Variants in AGBL4 observed in about 807,000 individuals in gnomAD.
AGBL4 encodes cytosolic carboxypeptidase 6.
A neutral mutation model predicts 66.4 loss-of-function variants in AGBL4; 58 were observed. That is an observed-to-expected ratio of 0.87 (90% confidence interval 0.71 to 1.09). The LOEUF is 1.09. AGBL4 is among the 50% of genes least tolerant of loss of function. The pLI, the probability that AGBL4 is intolerant of heterozygous loss-of-function variation, is 0.00. For missense variants in AGBL4, 579 were observed against 631.0 expected (o/e 0.92, Z 0.88); for synonymous variants, 234 against 222.9 (o/e 1.05, Z -0.44).
chr1:48,673,162 C>T (rs780468225), intron 6 of AGBL4, among the ~76,000 whole-genome samples: 1 of 152,190 alleles, frequency 6.6e-6, no homozygotes, highest in Non-Finnish European at 1.5e-5. Context: ...CACCTGCACA[C>T]ATCTGCGTCT....
chr1:49,938,618 C>T (rs1654373809), intron 1 of AGBL4, among the ~76,000 whole-genome samples: 1 of 152,174 alleles, frequency 6.6e-6, no homozygotes. Flanking sequence ...CAAACCGAAT[C>T]CAACAGCACA....
At chr1:49,447,406 C>G (rs544956011) in intron 3 of AGBL4, among the ~76,000 whole-genome samples, 1 of 152,262 alleles carries the variant, frequency 6.6e-6, no homozygotes, top group South Asian at 2.1e-4. Context: ...TGCTGTGTTG[C>G]TGCAGCCCTC....
At position 48,661,069 on chromosome 1, in the gene AGBL4, T is replaced by C. The variant is rs1277871972; in HGVS notation, c.724+2083A>G. 3.3e-5 allele frequency among the ~76,000 whole-genome samples: 5 copies of C among 152,160 alleles called. No individual in the cohort carries two copies. The East Asian group carries it at 7.7e-4, about 24-fold the overall frequency. ...AACCCCATTTGACAGATGTGGAAAATGACAGTTGGAGACCAGCCCTAGACC... is the reference window on the plus strand; with the variant it reads ...AACCCCATTTGACAGATGTGGAAAACGACAGTTGGAGACCAGCCCTAGACC... On this transcript the variant is annotated intron_variant, in intron 7 of 13. Transcript: ENST00000371839.
chr1:49,204,772 G>A (rs1647997478), intron 4 of AGBL4, among the ~76,000 whole-genome samples: 1 of 151,996 alleles, frequency 6.6e-6, no homozygotes, highest in Non-Finnish European at 1.5e-5. Flanking sequence ...ATGATTCCAG[G>A]TCCCTTAACT....
intron 1 of AGBL4, among the ~76,000 whole-genome samples, chr1:49,985,188 G>A (rs34068729): frequency 0.088 from 13,381 of 151,984 alleles, 867 homozygotes; most frequent in East Asian, 0.31. Context: ...ACCCTTCCCC[G>A]CCTGCCCCAC....
intron 2 of AGBL4, among the ~76,000 whole-genome samples, chr1:49,827,426 T>C (rs1645540124): frequency 6.6e-6 from 1 of 152,188 alleles, no homozygotes. Context: ...AAAAGGGCTC[T>C]TCTGTTTTGA....
chr1:49,141,074 G>A (rs1339130719), intron 4 of AGBL4, among the ~76,000 whole-genome samples: 4 of 152,046 alleles, frequency 2.6e-5, no homozygotes, highest in Admixed American at 6.6e-5. Flanking sequence ...GGAATGAGCA[G>A]GAACATTAAT....
intron 3 of AGBL4, among the ~76,000 whole-genome samples, chr1:49,260,015 G>A (rs200683462): frequency 1.8e-4 from 27 of 151,890 alleles, no homozygotes; most frequent in South Asian, 6.2e-4. Context: ...ACTGAAAACC[G>A]CTCAACTACA....
chr1:49,564,943 A>T (rs188858128), intron 3 of AGBL4, among the ~76,000 whole-genome samples: 12,274 of 152,156 alleles, frequency 0.081, 693 homozygotes, highest in African/African-American at 0.17. Context: ...TGGGAGTCTA[A>T]GTCTCTTTGT....
chr1:49,107,544 C>T (rs545384925), intron 4 of AGBL4, among the ~76,000 whole-genome samples: 3 of 152,170 alleles, frequency 2.0e-5, no homozygotes, highest in East Asian at 3.9e-4. Flanking sequence ...ATGTTGTTTG[C>T]ATTGCTGTAA....
intron 6 of AGBL4, among the ~76,000 whole-genome samples, chr1:48,821,786 C>A (rs574692699): frequency 6.6e-6 from 1 of 152,046 alleles, no homozygotes; most frequent in East Asian, 1.9e-4. Context: ...AAAAGGCAAG[C>A]AACAACAGGG....
At chr1:50,001,011 A>G (rs2148419119) in intron 1 of AGBL4, among the ~76,000 whole-genome samples, 1 of 152,104 alleles carries the variant, frequency 6.6e-6, no homozygotes, top group Non-Finnish European at 1.5e-5. Context: ...CGACTAAAAA[A>G]AATAAAAATA....
At chr1:49,695,155 T>C (rs1439961513) in intron 3 of AGBL4, among the ~76,000 whole-genome samples, 1 of 152,102 alleles carries the variant, frequency 6.6e-6, no homozygotes, top group East Asian at 1.9e-4. Flanking sequence ...AAAAGAATAA[T>C]TCCCTTTATG....
intron 3 of AGBL4, among the ~76,000 whole-genome samples, chr1:49,623,089 T>G (rs1448194792): frequency 6.6e-6 from 1 of 152,218 alleles, no homozygotes; most frequent in Middle Eastern, 3.2e-3. Flanking sequence ...TTAGTTTAAG[T>G]GCAGAGACCA....
In AGBL4 at chr1:49,949,715, T is replaced by C. The variant is rs556662271; in HGVS notation, c.34+74048A>G. On this transcript the variant is annotated intron_variant, in intron 1 of 13. Coordinates refer to ENST00000371839, the MANE Select transcript of AGBL4 (RefSeq NM_032785.4). ...AAAAATTAAAAAATAAATGTTGGTG[T>C]GGATGCAGTGAACAGGGAACACTTC... is the stretch of plus-strand genomic sequence containing the variant. Among the ~76,000 whole-genome samples, 5 of 151,318 alleles carry C rather than the reference T, an allele frequency of 3.3e-5. No homozygotes were observed. The East Asian group carries it at 9.8e-4, about 30-fold the overall frequency.
At chr1:48,681,726 G>A (rs1375528739) in intron 6 of AGBL4, among the ~76,000 whole-genome samples, 1 of 152,164 alleles carries the variant, frequency 6.6e-6, no homozygotes, top group East Asian at 1.9e-4. Flanking sequence ...CAGGGACAGG[G>A]GCTCTCAGCT....
intron 6 of AGBL4, chr1:48,817,891 G>T (rs1646218429): frequency 3.3e-6 from 2 of 614,402 alleles, no homozygotes; most frequent in Non-Finnish European, 5.8e-6. Context: ...GCACCTGGGA[G>T]ATGCAGATCC....
intron 2 of AGBL4, chr1:49,845,762 G>A (rs1055682194): frequency 5.1e-5 from 80 of 1,583,610 alleles, no homozygotes; most frequent in South Asian, 3.3e-4. Context: ...TGCAACGAGT[G>A]TGGGAAAACC....
intron 4 of AGBL4, among the ~76,000 whole-genome samples, chr1:49,136,349 A>G (rs1006385652): frequency 1.2e-4 from 18 of 152,192 alleles, no homozygotes; most frequent in African/African-American, 4.3e-4. Context: ...TTTTACTGAC[A>G]AGGAATGTGT....
Sources: allele counts gnomAD v4.1 joint callset (sites outside exome capture counted in the v4.1 genomes callset), GRCh38; gene constraint gnomAD v4.1.1; transcripts MANE v1.5; gene names NCBI Gene and HGNC (gene_info 2026-07-23, HGNC 2026-07-21).